Variants in WDR47 observed in about 807,000 individuals in gnomAD.
WDR47 encodes the protein WD repeat domain 47, also known as WD repeat-containing protein 47.
In WDR47, 32 loss-of-function variants were observed where a neutral mutation model predicts 97.2. The observed-to-expected ratio is 0.33, with a 90% CI of 0.25 to 0.44. The LOEUF is 0.44. Ranked by LOEUF, WDR47 falls within the 20% of genes least tolerant of loss-of-function variation. WDR47 has a pLI of 1.00. For missense variants in WDR47, 782 were observed against 1,102.3 expected, an observed-to-expected ratio of 0.71 and a Z score of 4.11; for synonymous variants, 375 against 373.5, an observed-to-expected ratio of 1.00 and a Z score of -0.05.
intron 9 of WDR47, among the ~76,000 whole-genome samples, chr1:108,989,170 C>A (rs1460638372): frequency 6.6e-6 from 1 of 152,180 alleles, no homozygotes; most frequent in Non-Finnish European, 1.5e-5. Flanking sequence ...TCATTTGAAA[C>A]CACCGTGTTA....
intron 1 of WDR47, among the ~76,000 whole-genome samples, chr1:109,028,362 GTTTTTTTT>G (rs372929187): frequency 3.8e-5 from 3 of 79,788 alleles, no homozygotes; most frequent in African/African-American, 1.0e-4. Flanking sequence ...TTTTTGTTGG[GTTTTTTTT>G]TTTTTTTTTT....
At chr1:108,993,125 C>T (rs1323861440) in intron 8 of WDR47, among the ~76,000 whole-genome samples, 1 of 151,972 alleles carries the variant, frequency 6.6e-6, no homozygotes, top group Non-Finnish European at 1.5e-5. Context: ...CAACCAGCCT[C>T]GCCAACATGG....
At chr1:109,030,460 A>T (rs1489929872) in intron 1 of WDR47, 1 of 316,642 alleles carries the variant, frequency 3.2e-6, no homozygotes, top group African/African-American at 2.2e-5. Context: ...AAGGAAAAAA[A>T]ACACAACAGG....
intron 1 of WDR47, among the ~76,000 whole-genome samples, chr1:109,041,021 AC>A: frequency 1.3e-5 from 2 of 151,562 alleles, no homozygotes; most frequent in South Asian, 4.2e-4. Context: ...AAAAAAAAAA[AC>A]GGTCCCCTCA....
At chr1:108,983,576 G>A in intron 10 of WDR47, 125 bp from the exon 11 acceptor site, 1 of 767,778 alleles carries the variant, frequency 1.3e-6, no homozygotes, top group African/African-American at 1.8e-5. Context: ...CTTATTAATA[G>A]TTTTCAAAAT....
At chr1:109,024,565 G>C (rs1216832786) in intron 1 of WDR47, among the ~76,000 whole-genome samples, 1 of 152,160 alleles carries the variant, frequency 6.6e-6, no homozygotes, top group Non-Finnish European at 1.5e-5. Context: ...CTACAACTGA[G>C]CACATAATGC....
rs574870470 is a variant in WDR47 at position 109,018,776 on chromosome 1, T to C, written c.159-1175A>G. 7.9e-5 allele frequency among the ~76,000 whole-genome samples: 12 copies of C among 152,094 alleles called. No homozygotes were observed. The South Asian group carries it at 2.5e-3, about 32-fold the overall frequency. On this transcript the variant is annotated intron_variant, in intron 2 of 14. Coordinates refer to ENST00000369962, the MANE Select transcript of WDR47 (RefSeq NM_001142551.2). ...CTGCAGTGAGCTGAGATTGTGCCAC[T>C]GCACTCCAGCCTGGGCAACAGAGTG...
At chr1:108,987,332 A>G (rs1020007993) in intron 9 of WDR47, 2 of 152,862 alleles carry the variant, frequency 1.3e-5, no homozygotes, top group African/African-American at 4.8e-5. Context: ...TAATTAAAAA[A>G]AAATAGAGAT....
At chr1:109,016,211 T>C (rs1307750512) in intron 3 of WDR47, among the ~76,000 whole-genome samples, 1 of 152,070 alleles carries the variant, frequency 6.6e-6, no homozygotes, top group African/African-American at 2.4e-5. Context: ...GAGACCAGCC[T>C]GGGCAACAAA....
Position 108,995,831 on chromosome 1 carries a change from A to G in WDR47, c.1440T>C (p.Ile480=). 1.9e-6 allele frequency: 3 copies of G among 1,613,472 alleles called. No individual in the cohort carries two copies. Among genetic ancestry groups the G allele is most frequent in the Middle Eastern group, 1.7e-4 (1 of 6,060 alleles). ...NLTEQFLNRS[I]QKLGELNIGM... is the part of the protein sequence containing the mutation. Reference sequence around the variant, plus strand: ...CAATATTTAATTCACCAAGCTTTTGAATGGACCTATAAAATTAAACAATGT... The same window carrying G: ...CAATATTTAATTCACCAAGCTTTTGGATGGACCTATAAAATTAAACAATGT... Residue 480 remains isoleucine (I), a synonymous_variant, in exon 8 of 15, where the codon ATT becomes ATC. Coordinates refer to ENST00000369962, the MANE Select transcript of WDR47 (RefSeq NM_001142551.2).
chr1:108,991,247 GT>G lies in WDR47; in HGVS notation c.1767+6del, dbSNP rs1659327356. 1 of 1,609,902 alleles carries G rather than the reference GT, an allele frequency of 6.2e-7. No individual in the cohort carries two copies. The highest frequency in any genetic ancestry group is 8.5e-7 in the Non-Finnish European group (1 of 1,177,678). On this transcript the variant is annotated splice_donor_region_variant and intron_variant, in intron 9 of 14. Transcript: ENST00000369962. Reference sequence around the variant, plus strand: ...AAACAATAAAACTTCCTTCCCCAAAGTATTACCTCTTCCCCTTTCGACCTTG... The same window carrying G: ...AAACAATAAAACTTCCTTCCCCAAAGATTACCTCTTCCCCTTTCGACCTTG...
At chr1:109,036,775 C>T (rs1031690912) in intron 1 of WDR47, among the ~76,000 whole-genome samples, 37 of 151,626 alleles carry the variant, frequency 2.4e-4, no homozygotes, top group Middle Eastern at 3.5e-3. Flanking sequence ...GCGGAGCTTG[C>T]AGTGAGCCGA....
At chr1:109,030,612 C>CAGAAAAGGTAAAGAAAAAAAATTGT (rs1274932788) in intron 1 of WDR47, among the ~76,000 whole-genome samples, 73 of 142,100 alleles carry the variant, frequency 5.1e-4, no homozygotes, top group Admixed American at 8.2e-4. Flanking sequence ...CTTTAATCTT[C>CAGAAAAGGTAAAGAAAAAAAATTGT]CAAGTATTAC....
chr1:108,981,888 T>G (rs1658370578), intron 12 of WDR47, 24 bp from the exon 13 acceptor site: 1 of 1,603,514 alleles, frequency 6.2e-7, no homozygotes, highest in African/African-American at 1.3e-5. Flanking sequence ...TATACTCAAT[T>G]ATTAAGGTGG....
At chr1:109,001,979 C>A (rs963800038) in intron 7 of WDR47, among the ~76,000 whole-genome samples, 3 of 152,062 alleles carry the variant, frequency 2.0e-5, no homozygotes, top group Non-Finnish European at 4.4e-5. Context: ...GCTGGATCCA[C>A]CTGGCTGTCA....
intron 8 of WDR47, among the ~76,000 whole-genome samples, chr1:108,993,455 C>T (rs1659520504): frequency 6.6e-6 from 1 of 152,040 alleles, no homozygotes; most frequent in South Asian, 2.1e-4. Flanking sequence ...ATTCTATACC[C>T]AGCTATACTA....
At chr1:109,010,070 TG>T (rs1220758327) in intron 5 of WDR47, among the ~76,000 whole-genome samples, 1 of 152,080 alleles carries the variant, frequency 6.6e-6, no homozygotes, top group Non-Finnish European at 1.5e-5. Context: ...TGAGATTGTA[TG>T]GGATTTTAAT....
In WDR47 at chr1:108,984,273, T is replaced by C. The variant is rs1028650273; in HGVS notation, c.1926-822A>G. On this transcript the variant is annotated intron_variant, in intron 10 of 14. Coordinates refer to ENST00000369962, the MANE Select transcript of WDR47 (RefSeq NM_001142551.2). ...GGGTAACAGCATTTTATCTACACTT[T>C]GAAACACGAACTAATATGACACTAA... Among the ~76,000 whole-genome samples, 3 of 152,178 alleles carry C rather than the reference T, an allele frequency of 2.0e-5. No homozygotes were observed. The South Asian group carries it at 6.2e-4, about 32-fold the overall frequency.
chr1:109,012,918 C>G (rs186377893), intron 4 of WDR47, among the ~76,000 whole-genome samples: 10 of 152,248 alleles, frequency 6.6e-5, no homozygotes, highest in Non-Finnish European at 5.9e-5. Flanking sequence ...CTGAAAGTCC[C>G]CACTGTAAAA....
Sources: gnomAD v4.1 joint callset for allele counts (sites outside exome capture counted in the v4.1 genomes callset) on GRCh38, gnomAD v4.1.1 for gene constraint, MANE v1.5 for transcripts, NCBI Gene and HGNC (gene_info 2026-07-23, HGNC 2026-07-21) for gene names.